Variants in ARHGAP15 observed in about 807,000 individuals in gnomAD.
The protein encoded by ARHGAP15 is Rho GTPase activating protein 15.
A neutral mutation model predicts 63.7 loss-of-function variants in ARHGAP15; 51 were observed. The observed-to-expected ratio is 0.80, with a 90% CI of 0.64 to 1.01. The LOEUF is 1.01. Ranked by LOEUF, ARHGAP15 falls within the 50% of genes least tolerant of loss-of-function variation. The pLI is 0.00. For missense variants in ARHGAP15, 560 were observed against 564.6 expected (o/e 0.99, Z 0.08); for synonymous variants, 191 against 193.8 (o/e 0.99, Z 0.12).
intron 1 of ARHGAP15, among the ~76,000 whole-genome samples, chr2:143,153,873 T>TCCTCCTCCTCCTCTTCC (rs1689967986): frequency 2.1e-5 from 1 of 46,850 alleles, no homozygotes; most frequent in African/African-American, 6.7e-5. Context: ...CCTCCTCCTC[T>TCCTCCTCCTCCTCTTCC]TCCTCCTCCT....
intron 11 of ARHGAP15, among the ~76,000 whole-genome samples, chr2:143,583,529 TGG>T (rs34224950): frequency 6.6e-6 from 1 of 151,502 alleles, no homozygotes; most frequent in South Asian, 2.1e-4. Context: ...AAGACAAAAA[TGG>T]GGGGGGTGGA....
chr2:143,705,107 T>A (rs1477773632), intron 13 of ARHGAP15, among the ~76,000 whole-genome samples: 1 of 152,156 alleles, frequency 6.6e-6, no homozygotes, highest in African/African-American at 2.4e-5. Context: ...TTAAACAGAC[T>A]TATCTTATTA....
At chr2:143,424,420 G>A (rs942857555) in intron 6 of ARHGAP15, among the ~76,000 whole-genome samples, 3 of 151,966 alleles carry the variant, frequency 2.0e-5, no homozygotes, top group Non-Finnish European at 4.4e-5. Context: ...TAATTCTGGA[G>A]CGTGTCTGTA....
At chr2:143,679,218 T>C (rs984473824) in intron 12 of ARHGAP15, among the ~76,000 whole-genome samples, 2 of 152,188 alleles carry the variant, frequency 1.3e-5, no homozygotes, top group African/African-American at 4.8e-5. Flanking sequence ...GTTTGTGCAT[T>C]ACCTGGAAAA....
intron 6 of ARHGAP15, among the ~76,000 whole-genome samples, chr2:143,311,058 AC>A (rs1485894211): frequency 1.3e-5 from 2 of 152,008 alleles, no homozygotes; most frequent in East Asian, 3.9e-4. Context: ...CAAAATATGA[AC>A]TTCACATAAT....
intron 6 of ARHGAP15, among the ~76,000 whole-genome samples, chr2:143,424,147 G>A (rs574630212): frequency 2.0e-5 from 3 of 152,112 alleles, no homozygotes; most frequent in East Asian, 3.9e-4. Context: ...AGACTACTAG[G>A]CCCTATCTCC....
chr2:143,245,699 G>A lies in ARHGAP15; in HGVS notation c.385-4812G>A, dbSNP rs575359882. Among the ~76,000 whole-genome samples the A allele has an allele frequency of 1.1e-4, 16 of 152,096 alleles. 1 individual carries two copies. In the South Asian group the frequency reaches 1.9e-3, roughly 18 times the overall value. On this transcript the variant is annotated intron_variant, in intron 5 of 13. Transcript: ENST00000295095. ...CTATTTGAGGGGGAGAAAGTAGAAC[G>A]AAATGTGAAATTCTTATTCTTGGAC... is the stretch of plus-strand genomic sequence containing the variant.
At chr2:143,747,274 C>T (rs376852996) in intron 13 of ARHGAP15, among the ~76,000 whole-genome samples, 2 of 152,056 alleles carry the variant, frequency 1.3e-5, no homozygotes, top group African/African-American at 4.8e-5. Flanking sequence ...AGATCGGAGA[C>T]TTCCCATATA....
intron 13 of ARHGAP15, among the ~76,000 whole-genome samples, chr2:143,721,887 G>T (rs1685076169): frequency 6.6e-6 from 1 of 152,076 alleles, no homozygotes; most frequent in African/African-American, 2.4e-5. Context: ...GGGTTTCACT[G>T]TATTGCGCAG....
intron 6 of ARHGAP15, among the ~76,000 whole-genome samples, chr2:143,307,362 CCAAGG>C (rs1683221535): frequency 6.6e-6 from 1 of 152,046 alleles, no homozygotes; most frequent in African/African-American, 2.4e-5. Context: ...GGCATTTATG[CCAAGG>C]GGTTATAATT....
chr2:143,766,791 C>T (rs1413685722), intron 13 of ARHGAP15: 1 of 152,190 alleles, frequency 6.6e-6, no homozygotes, highest in Non-Finnish European at 1.5e-5. Context: ...TCGGTACTAT[C>T]CAAGGTCTCA....
At chr2:143,301,331 G>T (rs542595138) in intron 6 of ARHGAP15, among the ~76,000 whole-genome samples, 1 of 151,918 alleles carries the variant, frequency 6.6e-6, no homozygotes, top group East Asian at 1.9e-4. Flanking sequence ...CATCTCATCA[G>T]TATTTGCCTC....
intron 5 of ARHGAP15, chr2:143,236,688 G>A (rs561815008): frequency 6.6e-6 from 1 of 152,250 alleles, no homozygotes; most frequent in East Asian, 1.9e-4. Context: ...TCTGAAGGAT[G>A]TATAGGATTT....
At chr2:143,745,553 T>C (rs1686132057) in intron 13 of ARHGAP15, among the ~76,000 whole-genome samples, 1 of 152,220 alleles carries the variant, frequency 6.6e-6, no homozygotes, top group East Asian at 1.9e-4. Context: ...ATTTCACTCA[T>C]CACTTTGATA....
At chr2:143,420,221 G>A (rs532701333) in intron 6 of ARHGAP15, among the ~76,000 whole-genome samples, 1 of 152,306 alleles carries the variant, frequency 6.6e-6, no homozygotes, top group African/African-American at 2.4e-5. Flanking sequence ...TAATGGGCTA[G>A]GTGGAGGAGA....
At chr2:143,308,348 C>A (rs542565027) in intron 6 of ARHGAP15, among the ~76,000 whole-genome samples, 4 of 151,976 alleles carry the variant, frequency 2.6e-5, no homozygotes, top group Non-Finnish European at 5.9e-5. Flanking sequence ...CCAGAAAGAA[C>A]CACCATGGGA....
rs563527890 is a variant in ARHGAP15 at position 143,216,427 on chromosome 2, A to G, written c.278A>G (p.Asp93Gly). 1.2e-6 allele frequency: 2 copies of G among 1,610,018 alleles called. No homozygotes were observed. The highest frequency in any genetic ancestry group is 1.7e-5 in the Admixed American group (1 of 59,396). The change falls in exon 4 of 14, where the codon GAT (aspartate) becomes GGT (glycine). Residue 93 changes from aspartate (D) to glycine (G), a missense_variant. Coordinates refer to ENST00000295095, the MANE Select transcript of ARHGAP15 (RefSeq NM_018460.4). ...TATCTGCAAAAAGCTAAAATTGCAG[A>G]TGGAGGAAAGAAACTAAGGTAATAA... ...EGYLQKAKIA[D>G]GGKKLRKNWS... is the part of the protein sequence containing the mutation.
intron 1 of ARHGAP15, among the ~76,000 whole-genome samples, chr2:143,143,691 A>G (rs1689468173): frequency 6.6e-6 from 1 of 152,026 alleles, no homozygotes; most frequent in African/African-American, 2.4e-5. Flanking sequence ...ATAAGAGTAC[A>G]TGCTAAGCCA....
At chr2:143,517,064 T>G (rs1693856192) in intron 9 of ARHGAP15, among the ~76,000 whole-genome samples, 1 of 152,186 alleles carries the variant, frequency 6.6e-6, no homozygotes. Flanking sequence ...TTCTCCTGCC[T>G]CAGCCTCCTG....
Sources: allele counts gnomAD v4.1 joint callset (sites outside exome capture counted in the v4.1 genomes callset), GRCh38; gene constraint gnomAD v4.1.1; transcripts MANE v1.5; gene names NCBI Gene and HGNC (gene_info 2026-07-23, HGNC 2026-07-21).